ZNF273: variants seen among roughly 807,000 people sequenced by gnomAD.
ZNF273 encodes zinc finger protein 9.
ZNF273 carries 11 observed loss-of-function variants against 14.9 expected under a neutral mutation model. The observed-to-expected ratio is 0.74, with a 90% CI of 0.46 to 1.22. The LOEUF is 1.22. ZNF273 is among the 50% of genes most tolerant of loss of function. The pLI is 0.00. For missense variants in ZNF273, 577 were observed against 660.6 expected (o/e 0.87, Z 1.39); for synonymous variants, 199 against 223.9 (o/e 0.89, Z 0.99).
chr7:64,895,504 T>C (rs1792316239), intron 3 of ZNF273, among the ~76,000 whole-genome samples: 1 of 152,218 alleles, frequency 6.6e-6, no homozygotes, highest in South Asian at 2.1e-4. Flanking sequence ...TTTCTTTCCA[T>C]AGTCTTTGAA....
chr7:64,903,489 G>A (rs1792877559), intron 1 of ZNF273, 70 bp downstream of exon 1: 2 of 1,446,208 alleles, frequency 1.4e-6, no homozygotes, highest in African/African-American at 2.8e-5. Context: ...AAGTGGATGT[G>A]GCGAGACTCC....
intron 1 of ZNF273, among the ~76,000 whole-genome samples, chr7:64,909,204 A>G (rs2129063063): frequency 6.6e-6 from 1 of 150,428 alleles, no homozygotes; most frequent in Middle Eastern, 3.5e-3. Flanking sequence ...GGCGTGAGCC[A>G]CTGCACCCAA....
chr7:64,923,268 A>G (rs1184995563), intron 3 of ZNF273: 1 of 445,148 alleles, frequency 2.2e-6, no homozygotes, highest in African/African-American at 2.0e-5. Context: ...AGTTGTTAGA[A>G]TATCTTCCGC....
downstream of ZNF273, chr7:64,889,751 C>T: frequency 1.0e-6 from 1 of 985,820 alleles, no homozygotes. The surrounding 1 kb of genome is among the most constrained non-coding windows in gnomAD (Gnocchi z 4.2). Flanking sequence ...CACGCTCAGC[C>T]CCACGGGGCT....
In ZNF273 at chr7:64,918,191, A is replaced by T. The variant is rs369279250; in HGVS notation, c.230-6A>T. 4.5e-6 allele frequency: 7 copies of T among 1,555,968 alleles called. No individual in the cohort carries two copies. The highest frequency in any genetic ancestry group is 1.7e-4 in the Middle Eastern group (1 of 5,828). ...AGATTCATGTTACTCATTTTTAATA[A>T]AACAGGTATTGCTGTCTCTAAGCCA... On this transcript the variant is annotated splice_region_variant and splice_polypyrimidine_tract_variant and intron_variant, in intron 2 of 3. Transcript: ENST00000476120.
intron 1 of ZNF273, chr7:64,916,995 C>T: frequency 7.9e-7 from 1 of 1,261,598 alleles, no homozygotes; most frequent in Non-Finnish European, 1.0e-6. Context: ...ATATATTTGT[C>T]TTTGGAAAAT....
At chr7:64,933,420 T>G (rs1278210822), downstream of ZNF273, 1 of 152,186 alleles carries the variant, frequency 6.6e-6, no homozygotes, top group Non-Finnish European at 1.5e-5. Context: ...ACGTTTTCTA[T>G]TTTTTTGCAT....
At chr7:64,883,220 C>CCCCA (rs1355378472), downstream of ZNF273, among the ~76,000 whole-genome samples, 1 of 145,722 alleles carries the variant, frequency 6.9e-6, no homozygotes, top group Admixed American at 6.9e-5. Context: ...CACCACCCCC[C>CCCCA]CCTCACCAAG....
At chr7:64,924,299 ATGT>A (rs1285621976) in intron 3 of ZNF273, 5 of 152,190 alleles carry the variant, frequency 3.3e-5, no homozygotes, top group African/African-American at 9.7e-5. Context: ...GTGTATCTTA[ATGT>A]TGTTGAGTTT....
upstream of ZNF273, among the ~76,000 whole-genome samples, chr7:64,899,664 AAG>A (rs1200704420): frequency 1.3e-5 from 2 of 152,150 alleles, no homozygotes; most frequent in African/African-American, 2.4e-5. Flanking sequence ...AAAAAAAAAA[AAG>A]AAAAAATATT....
At chr7:64,895,130 C>G (rs1379197719) in intron 3 of ZNF273, among the ~76,000 whole-genome samples, 1 of 151,886 alleles carries the variant, frequency 6.6e-6, no homozygotes. Context: ...GAGCGAGACT[C>G]CATCTCAAGA....
chr7:64,888,589 C>A, exon 2 of ZNF273: 1 of 985,900 alleles, frequency 1.0e-6, no homozygotes, highest in Non-Finnish European at 1.2e-6. Context: ...TTAGCACCTG[C>A]CCGCCCTCCA....
At chr7:64,903,545 T>A in intron 1 of ZNF273, 126 bp downstream of exon 1, 1 of 987,926 alleles carries the variant, frequency 1.0e-6, no homozygotes, top group Non-Finnish European at 1.6e-6. Context: ...GGAGTTCTCC[T>A]TGGCGCAGCT....
chr7:64,916,556 A>C (rs999008814), intron 1 of ZNF273, among the ~76,000 whole-genome samples: 6 of 151,292 alleles, frequency 4.0e-5, no homozygotes, highest in Middle Eastern at 3.2e-3. Context: ...AAAAAAAAAA[A>C]AAAAAAAAAC....
intron 1 of ZNF273, among the ~76,000 whole-genome samples, chr7:64,905,617 TA>T (rs553742703): frequency 2.0e-5 from 3 of 151,792 alleles, no homozygotes; most frequent in East Asian, 3.9e-4. Flanking sequence ...CCAAAAAAAC[TA>T]AAAAAAACTT....
At chr7:64,897,399 T>A (rs1361972400) in exon 4 of ZNF273, 1 of 152,158 alleles carries the variant, frequency 6.6e-6, no homozygotes, top group Non-Finnish European at 1.5e-5. Flanking sequence ...CAATCTCAGC[T>A]CACTTCAAGC....
intron 1 of ZNF273, among the ~76,000 whole-genome samples, chr7:64,914,742 CG>C (rs963716176): frequency 6.6e-6 from 1 of 151,990 alleles, no homozygotes; most frequent in Non-Finnish European, 1.5e-5. Context: ...AGAACAGAAA[CG>C]GGCGGGCTTT....
Position 64,928,362 on chromosome 7 carries a change from C to G in ZNF273, c.1034C>G (p.Pro345Arg), listed in dbSNP as rs1039147581. 5.6e-6 allele frequency: 9 copies of G among 1,613,476 alleles called. No homozygotes were observed. The highest frequency in any genetic ancestry group is 2.7e-5 in the African/African-American group (2 of 74,842). The stretch of plus-strand genomic sequence containing the variant: ...AAGATAATTCATACTGGAGAGAAAC[C>G]CTACAAATGCAATGAATGTGGTAAA... The part of the protein sequence containing the change: ...KHKIIHTGEK[P>R]YKCNECGKAF... Residue 345 changes from proline (P) to arginine (R), a missense_variant, in exon 4 of 4, where the codon CCC (proline) becomes CGC (arginine). By Grantham distance (103) the Pro-to-Arg change is moderately radical. Around this residue, in one of 3 missense-constraint regions of ZNF273, gnomAD observed 411 missense variants for 440.4 expected, o/e 0.93. Coordinates refer to ENST00000476120, the MANE Select transcript of ZNF273 (RefSeq NM_021148.3).
Position 64,929,109 on chromosome 7 carries a change from G to T in ZNF273, c.*71G>T. 1 of 1,456,070 alleles carries T rather than the reference G, an allele frequency of 6.9e-7. No homozygotes were observed. 90.2% of individuals were successfully genotyped at this position (1,456,070 alleles called of 1,614,324 possible). The stretch of plus-strand genomic sequence containing the variant: ...ATTGTATATAAGATAATTCATACTG[G>T]AGAAAACTCCCAGAAGTGGAGTTTT... On this transcript the variant is annotated 3_prime_UTR_variant, in exon 4 of 4. Transcript: ENST00000476120.
Sources: allele counts gnomAD v4.1 joint callset (sites outside exome capture counted in the v4.1 genomes callset), GRCh38; gene constraint gnomAD v4.1.1; regional missense constraint gnomAD v4.1.1; non-coding constraint Gnocchi (gnomAD v3.1); transcripts MANE v1.5; gene names NCBI Gene and HGNC (gene_info 2026-07-23, HGNC 2026-07-21).